The following TCTN3 variants were observed in gnomAD, a reference collection of about 807,000 sequenced individuals.
TCTN3 encodes tectonic family member 3.
In TCTN3, 57 loss-of-function variants were observed where a neutral mutation model predicts 71.3. The observed-to-expected ratio is 0.80, with a 90% CI of 0.65 to 1.00. The LOEUF is 1.00. Among genes scored for constraint, TCTN3 ranks in the 50% least tolerant of loss-of-function variants. The probability of loss-of-function intolerance (pLI) is 0.00; values close to 1 mark genes in which losing one functional copy is unlikely to be tolerated. For synonymous variants in TCTN3, 258 were observed against 267.8 expected (o/e 0.96, Z 0.36); for missense variants, 696 against 719.9 (o/e 0.97, Z 0.38).
At chr10:95,673,045 G>C (rs1261391054) in intron 13 of TCTN3, among the ~76,000 whole-genome samples, 1 of 152,014 alleles carries the variant, frequency 6.6e-6, no homozygotes, top group Non-Finnish European at 1.5e-5. Flanking sequence ...TCATTGTATT[G>C]TTTATTTGTA....
At chr10:95,670,020 C>A (rs1344252691) in intron 13 of TCTN3, among the ~76,000 whole-genome samples, 41 of 136,174 alleles carry the variant, frequency 3.0e-4, no homozygotes, top group African/African-American at 1.0e-3. Flanking sequence ...GCCGAGATTG[C>A]GCCACTGCAC....
At chr10:95,672,576 T>C (rs942119607) in intron 13 of TCTN3, among the ~76,000 whole-genome samples, 1 of 152,106 alleles carries the variant, frequency 6.6e-6, no homozygotes, top group African/African-American at 2.4e-5. Flanking sequence ...GAGCATGAAG[T>C]AGTAGCGCAC....
In TCTN3 at chr10:95,670,223, A is replaced by T. The variant is rs190921476; in HGVS notation, c.1591-5923T>A. 5.3e-5 allele frequency among the ~76,000 whole-genome samples: 8 copies of T among 152,316 alleles called. No homozygotes were observed. In the East Asian group the frequency reaches 1.5e-3, roughly 29 times the overall value. On this transcript the variant is annotated intron_variant, in intron 13 of 13. Coordinates refer to ENST00000371217, the MANE Select transcript of TCTN3 (RefSeq NM_015631.6). The stretch of plus-strand genomic sequence containing the variant: ...AAATGTTTATTCTGCATTTATTTTT[A>T]AAATTGCCTCCATAATTGTATAGAA...
intron 8 of TCTN3, among the ~76,000 whole-genome samples, chr10:95,685,120 C>G (rs1477485713): frequency 6.6e-6 from 1 of 152,170 alleles, no homozygotes; most frequent in Admixed American, 6.5e-5. Flanking sequence ...CAGAGGAATA[C>G]AAGTTGATTA....
rs41302727 is a variant in TCTN3 at position 95,687,495 on chromosome 10, G to A, written c.627+97C>T. On this transcript the variant is annotated intron_variant, in intron 4 of 13. Coordinates refer to ENST00000371217, the MANE Select transcript of TCTN3 (RefSeq NM_015631.6). ...CCTCCAAAGAGCTGACAATGGTTTA[G>A]CTAGCTGCAGGGTAGTGCTGCAAAG... The A allele has an allele frequency of 0.013, 20,870 of 1,560,824 alleles. 201 individuals carry two copies. The highest frequency in any genetic ancestry group is 0.014 in the Non-Finnish European group (16,315 of 1,150,120).
intron 13 of TCTN3, among the ~76,000 whole-genome samples, chr10:95,665,426 C>T (rs550214789): frequency 6.6e-6 from 1 of 152,086 alleles, no homozygotes; most frequent in African/African-American, 2.4e-5. Flanking sequence ...TTATAGGCAC[C>T]CATCACCATG....
At position 95,693,853 on chromosome 10, in the gene TCTN3, A is replaced by G. The variant is rs1383142600; in HGVS notation, c.47T>C (p.Phe16Ser). Residue 16 changes from phenylalanine (F) to serine (S), a missense_variant, in exon 1 of 14, where the codon TTC becomes TCC. Phe to Ser is a radical substitution (Grantham distance 155). Coordinates refer to ENST00000371217, the MANE Select transcript of TCTN3 (RefSeq NM_015631.6). ...GGGCTGAGGCCGGACGCCATCGGGG[A>G]ACACCAGAAAGAACACTTGCAGGAG... Reference protein sequence around the residue: ...LALLQVFFLVFPDGVRPQPSS... With the variant: ...LALLQVFFLVSPDGVRPQPSS... 1 of 1,551,654 alleles carries G rather than the reference A, an allele frequency of 6.4e-7. No individual in the cohort carries two copies. The highest frequency in any genetic ancestry group is 2.4e-5 in the East Asian group (1 of 40,922).
At chr10:95,690,029 G>T (rs1257004879) in intron 3 of TCTN3, among the ~76,000 whole-genome samples, 1 of 152,094 alleles carries the variant, frequency 6.6e-6, no homozygotes, top group Non-Finnish European at 1.5e-5. Context: ...ATCTCACTCT[G>T]TTGCCCAGGC....
rs1438043048 is a variant in TCTN3, at chr10:95,680,595, A to G, written c.1467T>C (p.Thr489=). ...RHCSISAINC[T]SCCLIPVSLE... ...GGGAAACTGGTATGAGACAGCAGGA[A>G]GTACAGTTTATAGCCTGCAGAAGGG... is the stretch of plus-strand genomic sequence containing the variant. Residue 489 remains threonine, a synonymous_variant, in exon 13 of 14, where the codon ACT becomes ACC. Transcript: ENST00000371217. 10 of 1,613,948 alleles carry G rather than the reference A, an allele frequency of 6.2e-6. No individual in the cohort carries two copies. The highest frequency in any genetic ancestry group is 8.5e-6 in the Non-Finnish European group (10 of 1,179,992).
rs1566073096 is a variant in TCTN3, at chr10:95,684,541, C to CTCA, written c.1050_1052dup (p.Val350_Glu351insAsp). 1 of 1,614,084 alleles carries CTCA rather than the reference C, an allele frequency of 6.2e-7. No individual in the cohort carries two copies. Among genetic ancestry groups the CTCA allele is most frequent in the Non-Finnish European group, 8.5e-7 (1 of 1,179,946 alleles). On this transcript the variant is annotated inframe_insertion, in exon 9 of 14. Transcript: ENST00000371217. ...AGTGTTGCTGTAAGGAAGCGCCTGGCTCAACAGTCAGGTTGGTTTGTCCCA... is the reference window on the plus strand; with the variant it reads ...AGTGTTGCTGTAAGGAAGCGCCTGGCTCATCAACAGTCAGGTTGGTTTGTCCCA...
chr10:95,669,844 A>G (rs969803250), intron 13 of TCTN3, among the ~76,000 whole-genome samples: 1 of 151,798 alleles, frequency 6.6e-6, no homozygotes, highest in African/African-American at 2.4e-5. Flanking sequence ...CGGGCGGATC[A>G]CGAGGTCAGG....
rs1034346197 is a variant in TCTN3, at chr10:95,671,787, G to A, written c.1591-7487C>T. ...TTGTATTTTTTTTTAGTAGAGACACGGTTTCACCATGTTGGTCAGGCTGGT... is the reference window on the plus strand; with the variant it reads ...TTGTATTTTTTTTTAGTAGAGACACAGTTTCACCATGTTGGTCAGGCTGGT... On this transcript the variant is annotated intron_variant, in intron 13 of 13. Transcript: ENST00000371217. Among the ~76,000 whole-genome samples the A allele has an allele frequency of 8.9e-4, 135 of 152,032 alleles. 1 individual carries two copies. Among genetic ancestry groups the A allele is most frequent in the African/African-American group, 3.0e-3 (126 of 41,402 alleles).
intron 3 of TCTN3, among the ~76,000 whole-genome samples, chr10:95,688,969 C>T (rs1442793937): frequency 6.6e-6 from 1 of 152,152 alleles, no homozygotes; most frequent in Non-Finnish European, 1.5e-5. Context: ...AAGTAATGGT[C>T]ATTTGTACAG....
In TCTN3 at chr10:95,692,916, T is replaced by C. The variant is rs754141643; in HGVS notation, c.499+4A>G. 1 of 1,596,378 alleles carries C rather than the reference T, an allele frequency of 6.3e-7. No homozygotes were observed. The highest frequency in any genetic ancestry group is 8.6e-7 in the Non-Finnish European group (1 of 1,163,840). On this transcript the variant is annotated splice_donor_region_variant and intron_variant, in intron 3 of 13. Coordinates refer to ENST00000371217, the MANE Select transcript of TCTN3 (RefSeq NM_015631.6). ...ATGAGAACAACCAACATGTTTCTAC[T>C]CACAGTTGTTCACATGGACACAAAA...
chr10:95,687,320 C>G lies in TCTN3; in HGVS notation c.663G>C (p.Trp221Cys), dbSNP rs888784007. The change falls in exon 5 of 14, where the codon TGG (tryptophan) becomes TGC (cysteine). Residue 221 changes from tryptophan to cysteine, a missense_variant. Physicochemically the swap from Trp to Cys is radical, Grantham distance 215 (BLOSUM62 -2). Coordinates refer to ENST00000371217, the MANE Select transcript of TCTN3 (RefSeq NM_015631.6). ...GDPILTYFPK[W>C]SVISLLRQPA... ...GTTGTCTCAGCAAGCTTATTACAGA[C>G]CACTTGGGGAAGTAAGTAAGAATGG... 1 of 1,614,050 alleles carries G rather than the reference C, an allele frequency of 6.2e-7. No homozygotes were observed. The highest frequency in any genetic ancestry group is 8.5e-7 in the Non-Finnish European group (1 of 1,179,994).
At chr10:95,690,728 T>G (rs1589621068) in intron 3 of TCTN3, among the ~76,000 whole-genome samples, 1 of 152,126 alleles carries the variant, frequency 6.6e-6, no homozygotes, top group African/African-American at 2.4e-5. Context: ...TTATGGATAG[T>G]GGGAAGTAAT....
At chr10:95,690,203 C>T (rs374324680) in intron 3 of TCTN3, among the ~76,000 whole-genome samples, 1 of 151,984 alleles carries the variant, frequency 6.6e-6, no homozygotes, top group African/African-American at 2.4e-5. Flanking sequence ...GGATTGTTCT[C>T]GAACTCCTGG....
Position 95,693,491 on chromosome 10 carries a change from C to A in TCTN3, c.257-15G>T. The A allele has an allele frequency of 1.3e-6, 2 of 1,552,200 alleles. No homozygotes were observed. The highest frequency in any genetic ancestry group is 1.7e-6 in the Non-Finnish European group (2 of 1,147,102). Reference sequence around the variant, plus strand: ...GATCGGTAAGACTATGAAAGTACGACACAGAGTGAGTGGGATGAAGATCCC... The same window carrying A: ...GATCGGTAAGACTATGAAAGTACGAAACAGAGTGAGTGGGATGAAGATCCC... On this transcript the variant is annotated splice_polypyrimidine_tract_variant and intron_variant, in intron 1 of 13. Transcript: ENST00000371217.
intron 8 of TCTN3, among the ~76,000 whole-genome samples, chr10:95,685,292 G>C (rs1254387438): frequency 1.3e-5 from 2 of 152,182 alleles, no homozygotes; most frequent in African/African-American, 4.8e-5. Flanking sequence ...GGAAATAACT[G>C]AAACGTGGTA....
Sources: allele counts gnomAD v4.1 joint callset (sites outside exome capture counted in the v4.1 genomes callset), GRCh38; gene constraint gnomAD v4.1.1; transcripts MANE v1.5; gene names NCBI Gene and HGNC (gene_info 2026-07-23, HGNC 2026-07-21).